The following LGSN variants were observed in gnomAD, a reference collection of about 807,000 sequenced individuals.
LGSN encodes lengsin.
LGSN carries 21 observed loss-of-function variants against 19.5 expected under a neutral mutation model. The observed-to-expected ratio is 1.07, with a 90% CI of 0.76 to 1.55. The LOEUF (loss-of-function observed/expected upper bound fraction) is 1.55, where lower values mean the gene tolerates loss of function less well. Among genes scored for constraint, LGSN ranks in the 40% most tolerant of loss-of-function variants. The probability of loss-of-function intolerance (pLI) is 0.00; values close to 1 mark genes in which losing one functional copy is unlikely to be tolerated. For missense variants in LGSN, 673 were observed against 608.5 expected (o/e 1.11, Z -1.12); for synonymous variants, 257 against 215.6 (o/e 1.19, Z -1.68).
chr6:63,493,892 A>C, the LGSN span, among the ~76,000 whole-genome samples: 2 of 152,118 alleles, frequency 1.3e-5, no homozygotes, highest in Admixed American at 1.3e-4. Flanking sequence ...TCAAAAATCA[A>C]GGAGGTGAAT....
chr6:63,373,930 C>T, the LGSN span, among the ~76,000 whole-genome samples: 1 of 151,930 alleles, frequency 6.6e-6, no homozygotes, highest in Non-Finnish European at 1.5e-5. Flanking sequence ...CAGAGCGAGA[C>T]TCTGTCTCAA....
the LGSN span, among the ~76,000 whole-genome samples, chr6:63,520,343 T>C: frequency 6.6e-6 from 1 of 152,182 alleles, no homozygotes; most frequent in East Asian, 1.9e-4. Context: ...AAAATGAAAA[T>C]AGACTGGGTG....
At chr6:63,572,343 C>G in the LGSN span, 1 of 276,696 alleles carries the variant, frequency 3.6e-6, no homozygotes, top group East Asian at 6.1e-5. Context: ...GCGGCGGCCG[C>G]CGCGGAGTGA....
the LGSN span, among the ~76,000 whole-genome samples, chr6:63,451,864 G>A: frequency 6.6e-6 from 1 of 151,896 alleles, no homozygotes; most frequent in African/African-American, 2.4e-5. Flanking sequence ...TTATTTTGAT[G>A]GATTTAAAAT....
At chr6:63,406,431 G>A in the LGSN span, among the ~76,000 whole-genome samples, 2 of 151,430 alleles carry the variant, frequency 1.3e-5, no homozygotes, top group African/African-American at 2.4e-5. Flanking sequence ...ATGACTACTG[G>A]GTACATAATG....
chr6:63,388,619 A>G, the LGSN span, among the ~76,000 whole-genome samples: 2 of 152,268 alleles, frequency 1.3e-5, no homozygotes, highest in African/African-American at 4.8e-5. Flanking sequence ...CCCTGCCAAC[A>G]CCTTCATCTT....
chr6:63,346,137 C>T, the LGSN span, among the ~76,000 whole-genome samples: 9 of 152,062 alleles, frequency 5.9e-5, no homozygotes, highest in East Asian at 3.9e-4. Flanking sequence ...GTGAATATTT[C>T]GTTCTAATAA....
chr6:63,422,157 G>A, the LGSN span, among the ~76,000 whole-genome samples: 4 of 152,194 alleles, frequency 2.6e-5, no homozygotes, highest in East Asian at 1.9e-4. Flanking sequence ...TCTACCTCCC[G>A]GGTTCAAGCG....
chr6:63,495,907 C>T, the LGSN span, among the ~76,000 whole-genome samples: 2 of 151,826 alleles, frequency 1.3e-5, no homozygotes, highest in African/African-American at 2.4e-5. Flanking sequence ...ATGTCTTAGA[C>T]TCCTCTTGTA....
chr6:63,437,800 G>A, the LGSN span, among the ~76,000 whole-genome samples: 2 of 151,752 alleles, frequency 1.3e-5, no homozygotes, highest in Non-Finnish European at 2.9e-5. Flanking sequence ...TGTGGTGGTG[G>A]GCACCTGTAA....
the LGSN span, among the ~76,000 whole-genome samples, chr6:63,356,037 G>T: frequency 6.9e-6 from 1 of 145,562 alleles, no homozygotes; most frequent in African/African-American, 2.8e-5. Flanking sequence ...TTCCTTCTAC[G>T]CACATCTATA....
At chr6:63,488,009 G>A in the LGSN span, among the ~76,000 whole-genome samples, 1 of 151,820 alleles carries the variant, frequency 6.6e-6, no homozygotes, top group Non-Finnish European at 1.5e-5. Flanking sequence ...TAGCTTTGAA[G>A]GCATTTAATT....
At chr6:63,357,738 T>A in the LGSN span, among the ~76,000 whole-genome samples, 1 of 152,268 alleles carries the variant, frequency 6.6e-6, no homozygotes, top group African/African-American at 2.4e-5. Context: ...ATTAGCCCTT[T>A]GTCAGATAAG....
At chr6:63,285,827 G>A in intron 2 of LGSN, 74 bp from the exon 3 acceptor site, 1 of 1,133,988 alleles carries the variant, frequency 8.8e-7, no homozygotes, top group Non-Finnish European at 1.3e-6. Flanking sequence ...CTGGAGACTA[G>A]TGAATTAGTC....
chr6:63,528,385 C>A, the LGSN span, among the ~76,000 whole-genome samples: 2 of 151,874 alleles, frequency 1.3e-5, no homozygotes, highest in Non-Finnish European at 2.9e-5. Flanking sequence ...CGCTTGAGCC[C>A]AGCAATTAGA....
At chr6:63,403,906 C>T in the LGSN span, among the ~76,000 whole-genome samples, 1 of 152,034 alleles carries the variant, frequency 6.6e-6, no homozygotes, top group Non-Finnish European at 1.5e-5. Flanking sequence ...CACGTGTTTA[C>T]ATGTATCAGG....
the LGSN span, among the ~76,000 whole-genome samples, chr6:63,440,515 G>C: frequency 6.6e-6 from 1 of 152,114 alleles, no homozygotes. Context: ...TTCTACAATA[G>C]TATCACCTTC....
At chr6:63,455,774 A>T in the LGSN span, among the ~76,000 whole-genome samples, 52 of 151,818 alleles carry the variant, frequency 3.4e-4, no homozygotes, top group African/African-American at 1.2e-3. Flanking sequence ...ATAAAAATAA[A>T]TAAAAACTCA....
At chr6:63,532,371 T>C in the LGSN span, among the ~76,000 whole-genome samples, 1 of 152,148 alleles carries the variant, frequency 6.6e-6, no homozygotes, top group Non-Finnish European at 1.5e-5. Context: ...TTCATACCTC[T>C]CAAATCTTGA....
Sources: gnomAD v4.1 joint callset for allele counts (sites outside exome capture counted in the v4.1 genomes callset) on GRCh38, gnomAD v4.1.1 for gene constraint, MANE v1.5 for transcripts, NCBI Gene and HGNC (gene_info 2026-07-23, HGNC 2026-07-21) for gene names.